Variants in PRDM16 observed in about 807,000 individuals in gnomAD.
PRDM16 encodes the protein PR/SET domain 16.
Under a neutral mutation model 110.6 loss-of-function variants are expected in PRDM16, and 23 were observed. That is an observed-to-expected ratio of 0.21 (90% confidence interval 0.15 to 0.29). PRDM16 has a LOEUF of 0.29. Ranked by LOEUF, PRDM16 falls within the 10% of genes least tolerant of loss-of-function variation. PRDM16 has a pLI of 1.00. For synonymous variants in PRDM16, 799 were observed against 781.8 expected (o/e 1.02, Z -0.37); for missense variants, 1,615 against 1,794.3 (o/e 0.90, Z 1.81).
chr1:3,103,445 A>G (rs1642577782), intron 1 of PRDM16, among the ~76,000 whole-genome samples: 1 of 152,226 alleles, frequency 6.6e-6, no homozygotes, highest in Non-Finnish European at 1.5e-5. Flanking sequence ...TCCTGGGGTT[A>G]GGGCTTCGCC....
At chr1:3,178,205 A>G (rs1281247042) in intron 1 of PRDM16, among the ~76,000 whole-genome samples, 1 of 152,216 alleles carries the variant, frequency 6.6e-6, no homozygotes, top group Non-Finnish European at 1.5e-5. Flanking sequence ...CAATAAAAAA[A>G]CGCCTTTCAT....
intron 3 of PRDM16, among the ~76,000 whole-genome samples, chr1:3,355,909 C>T (rs1157247056): frequency 6.6e-6 from 1 of 152,064 alleles, no homozygotes; most frequent in East Asian, 1.9e-4. Flanking sequence ...CCCCAAACAC[C>T]CCCCAAACAC....
chr1:3,169,067 C>T (rs908539111), intron 1 of PRDM16, among the ~76,000 whole-genome samples: 1 of 152,164 alleles, frequency 6.6e-6, no homozygotes, highest in Non-Finnish European at 1.5e-5. Context: ...AGACCCTGTG[C>T]TGTGCCGCTG....
In PRDM16 at chr1:3,426,034, C is replaced by T; in HGVS notation, c.3110-17C>T. The T allele has an allele frequency of 6.2e-7, 1 of 1,604,262 alleles. No individual in the cohort carries two copies. The highest frequency in any genetic ancestry group is 8.5e-7 in the Non-Finnish European group (1 of 1,174,698). On this transcript the variant is annotated splice_polypyrimidine_tract_variant and intron_variant, in intron 13 of 16. Coordinates refer to ENST00000270722, the MANE Select transcript of PRDM16 (RefSeq NM_022114.4). Reference sequence around the variant, plus strand: ...TCCAGCGAGAGGCCGCCCCCTGATGCTCCCGCCCCTCCGCAGTGAGCCAGC... The same window carrying T: ...TCCAGCGAGAGGCCGCCCCCTGATGTTCCCGCCCCTCCGCAGTGAGCCAGC...
intron 3 of PRDM16, among the ~76,000 whole-genome samples, chr1:3,280,788 C>T (rs138428001): frequency 8.7e-4 from 132 of 152,326 alleles, no homozygotes; most frequent in African/African-American, 2.9e-3. Flanking sequence ...CTGGCCGTCC[C>T]GGGCCATACC....
At chr1:3,356,036 G>GTGATGGACT (rs1356410077) in intron 3 of PRDM16, among the ~76,000 whole-genome samples, 1 of 152,196 alleles carries the variant, frequency 6.6e-6, no homozygotes, top group Non-Finnish European at 1.5e-5. Flanking sequence ...TCCGTGACAG[G>GTGATGGACT]TGATGGACTT....
chr1:3,271,841 C>T (rs1052774948), intron 3 of PRDM16, among the ~76,000 whole-genome samples: 9 of 152,202 alleles, frequency 5.9e-5, no homozygotes, highest in Non-Finnish European at 1.2e-4. Flanking sequence ...GCACAGGGCT[C>T]CCTTCTCTCT....
At chr1:3,134,200 G>C (rs1569646363) in intron 1 of PRDM16, among the ~76,000 whole-genome samples, 1 of 152,206 alleles carries the variant, frequency 6.6e-6, no homozygotes. Context: ...GTGGGAAGGG[G>C]AAGCCTCTAC....
At chr1:3,277,976 G>C (rs1008799205) in intron 3 of PRDM16, among the ~76,000 whole-genome samples, 5 of 152,216 alleles carry the variant, frequency 3.3e-5, no homozygotes, top group Non-Finnish European at 5.9e-5. Flanking sequence ...CTAGGTCAGC[G>C]ATCATTGCTA....
At chr1:3,154,647 C>T (rs1257392039) in intron 1 of PRDM16, among the ~76,000 whole-genome samples, 1 of 152,144 alleles carries the variant, frequency 6.6e-6, no homozygotes, top group Non-Finnish European at 1.5e-5. Context: ...CAGCTTCACG[C>T]AGTCGGCCGG....
chr1:3,377,103 C>T (rs1438402887), intron 3 of PRDM16, among the ~76,000 whole-genome samples: 1 of 152,244 alleles, frequency 6.6e-6, no homozygotes. Context: ...CCTATGACAG[C>T]CCCATAGCCA....
chr1:3,181,166 T>C (rs78546540), intron 1 of PRDM16, among the ~76,000 whole-genome samples: 852 of 31,244 alleles, frequency 0.027, 67 homozygotes, highest in South Asian at 0.14. Flanking sequence ...TTACACGCGG[T>C]CTTACGGTCT....
At chr1:3,165,576 GGGAC>G (rs1643944424) in intron 1 of PRDM16, among the ~76,000 whole-genome samples, 1 of 118,454 alleles carries the variant, frequency 8.4e-6, no homozygotes, top group Non-Finnish European at 1.7e-5. Context: ...CTCAGGGACA[GGGAC>G]TCACCTGGGC....
Position 3,208,892 on chromosome 1 carries a change from T to G in PRDM16, c.387+22418T>G, listed in dbSNP as rs1263133401. Reference sequence around the variant, plus strand: ...AGAGGCCCCCCCAGGTCCCCACGAGTGGGTGGAAAGTCTTGGGGACAGAAG... The same window carrying G: ...AGAGGCCCCCCCAGGTCCCCACGAGGGGGTGGAAAGTCTTGGGGACAGAAG... On this transcript the variant is annotated intron_variant, in intron 2 of 16. Coordinates refer to ENST00000270722, the MANE Select transcript of PRDM16 (RefSeq NM_022114.4). This position sits in a 1 kb window ranked among gnomAD's most constrained non-coding sequence, Gnocchi z 6.1. 6.6e-6 allele frequency among the ~76,000 whole-genome samples: 1 copy of G among 151,860 alleles called. No individual in the cohort carries two copies. The highest frequency in any genetic ancestry group is 1.5e-5 in the Non-Finnish European group (1 of 67,972).
At position 3,290,103 on chromosome 1, in the gene PRDM16, A is replaced by C. The variant is rs1200896917; in HGVS notation, c.438+45966A>C. Among the ~76,000 whole-genome samples the C allele has an allele frequency of 6.6e-6, 1 of 151,638 alleles. No homozygotes were observed. The highest frequency in any genetic ancestry group is 1.5e-5 in the Non-Finnish European group (1 of 67,924). On this transcript the variant is annotated intron_variant, in intron 3 of 16. Transcript: ENST00000270722. This position sits in a 1 kb window ranked among gnomAD's most constrained non-coding sequence, Gnocchi z 4.8. ...CGCAGGGTGTTTTTCCTGAATGAAAACTCACAGAGTGCATGTGTCATGCTG... is the reference window on the plus strand; with the variant it reads ...CGCAGGGTGTTTTTCCTGAATGAAACCTCACAGAGTGCATGTGTCATGCTG...
chr1:3,203,430 C>G (rs1057395390), intron 2 of PRDM16, among the ~76,000 whole-genome samples: 1 of 152,212 alleles, frequency 6.6e-6, no homozygotes, highest in Non-Finnish European at 1.5e-5. Flanking sequence ...CTTATGAGCC[C>G]GTATTAGGGC....
intron 2 of PRDM16, among the ~76,000 whole-genome samples, chr1:3,220,563 A>G (rs1413730716): frequency 5.9e-5 from 9 of 152,172 alleles, no homozygotes; most frequent in Non-Finnish European, 1.3e-4. Context: ...CCGTACCCCC[A>G]GGCTGCTGTG....
chr1:3,278,300 G>C (rs566168414), intron 3 of PRDM16, among the ~76,000 whole-genome samples: 1 of 152,296 alleles, frequency 6.6e-6, no homozygotes, highest in East Asian at 1.9e-4. Context: ...GGATAAAGGG[G>C]CGTCTTTCCT....
intron 3 of PRDM16, among the ~76,000 whole-genome samples, chr1:3,324,339 G>A (rs200639984): frequency 1.3e-5 from 2 of 152,066 alleles, no homozygotes; most frequent in African/African-American, 2.4e-5. Context: ...ACCCTGCCCC[G>A]CCTGCCAGTC....
Sources: allele counts gnomAD v4.1 joint callset (sites outside exome capture counted in the v4.1 genomes callset), GRCh38; gene constraint gnomAD v4.1.1; non-coding constraint Gnocchi (gnomAD v3.1); transcripts MANE v1.5; gene names NCBI Gene and HGNC (gene_info 2026-07-23, HGNC 2026-07-21).